The following NAALADL2 variants were observed in gnomAD, a reference collection of about 807,000 sequenced individuals.
NAALADL2 encodes inactive N-acetylated-alpha-linked acidic dipeptidase-like protein 2.
NAALADL2 carries 76 observed loss-of-function variants against 87.2 expected under a neutral mutation model. That is an observed-to-expected ratio of 0.87 (90% CI 0.72 to 1.05). The LOEUF is 1.05. Ranked by LOEUF, NAALADL2 falls within the 50% of genes least tolerant of loss-of-function variation. The probability of loss-of-function intolerance (pLI) is 0.00; values close to 1 mark genes in which losing one functional copy is unlikely to be tolerated. For synonymous variants in NAALADL2, 354 were observed against 331.0 expected (o/e 1.07, Z -0.75); for missense variants, 1,089 against 945.8 (o/e 1.15, Z -1.99).
chr3:174,787,601 A>ATATACATATATATATATATATATATATG (rs1716918839), intron 3 of NAALADL2, among the ~76,000 whole-genome samples: 1 of 91,208 alleles, frequency 1.1e-5, no homozygotes, highest in African/African-American at 3.9e-5. Flanking sequence ...ATATATATAT[A>ATATACATATATATATATATATATATATG]TATATATATA....
At chr3:175,716,467 A>G (rs763126847) in intron 11 of NAALADL2, among the ~76,000 whole-genome samples, 6 of 151,706 alleles carry the variant, frequency 4.0e-5, no homozygotes, top group Non-Finnish European at 4.4e-5. Context: ...GAGAAATTCT[A>G]TTTCCCTGTG....
intron 2 of NAALADL2, among the ~76,000 whole-genome samples, chr3:174,602,665 T>C (rs993472283): frequency 4.6e-5 from 7 of 152,072 alleles, no homozygotes; most frequent in African/African-American, 1.7e-4. Flanking sequence ...TAGTACAATG[T>C]TGAATTACTG....
In NAALADL2 at chr3:174,471,427, A is replaced by G. The variant is rs560986918; in HGVS notation, c.-184+30395A>G. ...ATAGAATCCTCACGCATGGTACTAG[A>G]AACAGTTACTCCACATTGATAAAGA... is the stretch of plus-strand genomic sequence containing the variant. On this transcript the variant is annotated intron_variant, in intron 1 of 3. Transcript: ENST00000434257. Among the ~76,000 whole-genome samples the G allele has an allele frequency of 1.1e-4, 16 of 152,242 alleles. No homozygotes were observed. The South Asian group carries it at 2.7e-3, about 26-fold the overall frequency.
chr3:175,468,955 C>T (rs891795296), intron 8 of NAALADL2, among the ~76,000 whole-genome samples: 1 of 151,798 alleles, frequency 6.6e-6, no homozygotes, highest in Non-Finnish European at 1.5e-5. Flanking sequence ...TTTTCTTAGT[C>T]AATGATGCTA....
intron 1 of NAALADL2, among the ~76,000 whole-genome samples, chr3:174,961,511 G>A (rs1741997971): frequency 6.6e-6 from 1 of 151,980 alleles, no homozygotes; most frequent in Non-Finnish European, 1.5e-5. Context: ...AAAACACCGG[G>A]CAGGGGAAGG....
At chr3:174,746,594 A>G (rs1263688922) in intron 3 of NAALADL2, among the ~76,000 whole-genome samples, 2 of 152,198 alleles carry the variant, frequency 1.3e-5, no homozygotes, top group African/African-American at 2.4e-5. Flanking sequence ...TAAAATTTAT[A>G]TAAAACGAAA....
intron 2 of NAALADL2, among the ~76,000 whole-genome samples, chr3:174,731,889 A>G (rs939720095): frequency 3.3e-5 from 5 of 152,154 alleles, no homozygotes; most frequent in Admixed American, 6.6e-5. Context: ...CTAGTTGGCA[A>G]ACTTATTTTG....
intron 5 of NAALADL2, among the ~76,000 whole-genome samples, chr3:175,374,568 AAAAAAAAAAAAAAAAAAG>A (rs1766895192): frequency 6.8e-6 from 1 of 146,502 alleles, no homozygotes; most frequent in African/African-American, 2.6e-5. Context: ...AAAAAAAAAA[AAAAAAAAAAAAAAAAAAG>A]AAAGTTATAT....
intron 11 of NAALADL2, chr3:175,655,459 T>A: frequency 8.0e-6 from 3 of 376,134 alleles, no homozygotes; most frequent in South Asian, 6.0e-5. Flanking sequence ...TATAATGTGT[T>A]TGTGTTTTTC....
At chr3:175,112,983 G>A (rs557215304) in intron 2 of NAALADL2, among the ~76,000 whole-genome samples, 12 of 151,582 alleles carry the variant, frequency 7.9e-5, no homozygotes, top group Non-Finnish European at 1.8e-4. Flanking sequence ...ATGGAGGTAA[G>A]AAAGCACAGA....
intron 1 of NAALADL2, among the ~76,000 whole-genome samples, chr3:174,868,953 A>T (rs1727476179): frequency 2.0e-5 from 3 of 152,174 alleles, no homozygotes; most frequent in Admixed American, 2.0e-4. Context: ...GAGGAAGAAG[A>T]CATGAATAAT....
At chr3:174,970,530 A>G (rs1743483960) in intron 1 of NAALADL2, among the ~76,000 whole-genome samples, 1 of 152,204 alleles carries the variant, frequency 6.6e-6, no homozygotes, top group African/African-American at 2.4e-5. Context: ...GTAATTTTCA[A>G]TCATGCTAAT....
At chr3:175,187,554 G>A (rs1052591870) in intron 2 of NAALADL2, among the ~76,000 whole-genome samples, 8 of 152,120 alleles carry the variant, frequency 5.3e-5, no homozygotes, top group Admixed American at 3.3e-4. Flanking sequence ...GTAGAACAAA[G>A]TGCTTCCAAA....
intron 4 of NAALADL2, among the ~76,000 whole-genome samples, chr3:175,294,807 T>C (rs1337658426): frequency 6.6e-6 from 1 of 152,204 alleles, no homozygotes; most frequent in African/African-American, 2.4e-5. Context: ...TGCTGTTTTA[T>C]TTTCATCTGA....
intron 11 of NAALADL2, among the ~76,000 whole-genome samples, chr3:175,697,699 A>G (rs990365538): frequency 6.7e-6 from 1 of 149,588 alleles, no homozygotes; most frequent in African/African-American, 2.4e-5. Flanking sequence ...CTTATTATTA[A>G]ATTTATTATT....
intron 4 of NAALADL2, among the ~76,000 whole-genome samples, chr3:175,292,593 T>TACACACACACACACAC (rs71164627): frequency 0.024 from 3,496 of 145,278 alleles, 59 homozygotes; most frequent in Non-Finnish European, 0.038. Context: ...TGAGTTGGGA[T>TACACACACACACACAC]ACACACACAC....
chr3:174,871,990 TA>T (rs1727886652), intron 1 of NAALADL2, among the ~76,000 whole-genome samples: 1 of 152,168 alleles, frequency 6.6e-6, no homozygotes, highest in African/African-American at 2.4e-5. Context: ...TATTTTAATA[TA>T]GAAATATGGG....
At chr3:174,654,525 A>G (rs1178046839) in intron 2 of NAALADL2, among the ~76,000 whole-genome samples, 4 of 152,114 alleles carry the variant, frequency 2.6e-5, no homozygotes, top group African/African-American at 9.7e-5. Context: ...GGCAAAAAAA[A>G]TCTTTATATT....
intron 1 of NAALADL2, among the ~76,000 whole-genome samples, chr3:174,889,451 C>T (rs1362729259): frequency 6.6e-6 from 1 of 152,026 alleles, no homozygotes; most frequent in African/African-American, 2.4e-5. Flanking sequence ...GCCTTTAGTT[C>T]CCTGCTTCCT....
Sources: gnomAD v4.1 joint callset for allele counts (sites outside exome capture counted in the v4.1 genomes callset) on GRCh38, gnomAD v4.1.1 for gene constraint, MANE v1.5 for transcripts, NCBI Gene and HGNC (gene_info 2026-07-23, HGNC 2026-07-21) for gene names.